The following MUC20 variants were observed in gnomAD, a reference collection of about 807,000 sequenced individuals.
MUC20 encodes mucin 20, cell surface associated.
A neutral mutation model predicts 23.8 loss-of-function variants in MUC20; 14 were observed. The ratio of observed to expected loss-of-function variants is 0.59; its 90% CI spans 0.39 to 0.92. MUC20 has a LOEUF of 0.92. Among genes scored for constraint, MUC20 ranks in the 40% least tolerant of loss-of-function variants. The pLI is 0.00. For missense variants in MUC20, 375 were observed against 668.8 expected (o/e 0.56, Z 4.85); for synonymous variants, 166 against 279.3 (o/e 0.59, Z 4.04).
chr3:195,725,979 C>T lies in MUC20; in HGVS notation c.1376C>T (p.Pro459Leu), dbSNP rs770724904. ...GVKASSTSDPPALPDSTEAKP... is the reference protein window; with the variant it reads ...GVKASSTSDPLALPDSTEAKP... ...AAGGCCTCGTCCACCTCCGATCCAC[C>T]AGCTCTGCCTGACTCCACTGAAGCA... Residue 459 changes from proline (P) to leucine (L), a missense_variant, in exon 2 of 4, where the codon CCA becomes CTA. Pro to Leu is a moderately conservative substitution (Grantham distance 98, BLOSUM62 -3). This residue lies in a region of MUC20 where 343 missense variants were observed against 340.2 expected (regional missense o/e 1.01). Transcript: ENST00000447234. 2 of 1,613,986 alleles carry T rather than the reference C, an allele frequency of 1.2e-6. No individual in the cohort carries two copies. Among genetic ancestry groups the T allele is most frequent in the South Asian group, 1.1e-5 (1 of 91,078 alleles).
intron 2 of MUC20, among the ~76,000 whole-genome samples, 155 bp downstream of exon 2, chr3:195,726,727 G>A (rs1316669486): frequency 9.2e-5 from 14 of 152,218 alleles, no homozygotes; most frequent in African/African-American, 2.2e-4. Flanking sequence ...GGTTCTTGGC[G>A]AAATCAGGAA....
At chr3:195,732,301 C>T (rs58767719) in intron 3 of MUC20, among the ~76,000 whole-genome samples, 49,705 of 150,388 alleles carry the variant, frequency 0.33, 5,718 homozygotes, top group African/African-American at 0.48. Flanking sequence ...TGAGTCATTG[C>T]GTCCGGCTGG....
Position 195,726,298 on chromosome 3 carries a change from C to T in MUC20, c.1695C>T (p.Ser565=). Residue 565 remains serine (S), a synonymous_variant, in exon 2 of 4, where the codon TCC becomes TCT. Coordinates refer to ENST00000447234, the MANE Select transcript of MUC20 (RefSeq NM_001282506.2). ...EAGSAVGKTT[S]FAGSSASSYS... ...GGTCAGCAGTGGGCAAAACAACTTC[C>T]TTTGCTGGGAGCTCTGCTTCCTCCT... 6.2e-7 allele frequency: 1 copy of T among 1,614,064 alleles called. No homozygotes were observed. The highest frequency in any genetic ancestry group is 1.1e-5 in the South Asian group (1 of 91,084).
At chr3:195,731,563 A>G (rs981762807) in intron 3 of MUC20, among the ~76,000 whole-genome samples, 1 of 152,280 alleles carries the variant, frequency 6.6e-6, no homozygotes, top group African/African-American at 2.4e-5. Context: ...CAGTGGGATC[A>G]GGCTGGCTGG....
intron 3 of MUC20, 186 bp downstream of exon 3, chr3:195,729,925 GTTC>G: frequency 1.6e-6 from 1 of 632,942 alleles, no homozygotes; most frequent in Non-Finnish European, 2.7e-6. Flanking sequence ...CCTTCTCCGA[GTTC>G]TTCATTTCCT....
intron 3 of MUC20, 88 bp from the exon 4 acceptor site, chr3:195,733,062 C>G: frequency 7.1e-7 from 1 of 1,417,982 alleles, no homozygotes; most frequent in Admixed American, 2.0e-5. Context: ...CGCATGCACT[C>G]TGCCCCAGTG....
intron 1 of MUC20, chr3:195,722,747 A>C (rs3107766): frequency 1.1e-6 from 1 of 921,280 alleles, no homozygotes; most frequent in Non-Finnish European, 1.3e-6. Context: ...AGAAGGCTCA[A>C]AGAAATGATC....
At chr3:195,730,458 G>C (rs1468140283) in intron 3 of MUC20, among the ~76,000 whole-genome samples, 1 of 152,124 alleles carries the variant, frequency 6.6e-6, no homozygotes, top group Non-Finnish European at 1.5e-5. Context: ...CCATTCTCCT[G>C]CCTCAGCCTC....
chr3:195,721,632 G>C (rs7630723), intron 1 of MUC20: 2 of 164,722 alleles, frequency 1.2e-5, no homozygotes, highest in African/African-American at 4.9e-5. Context: ...AGACGGGAAT[G>C]AACCCTGACC....
At chr3:195,732,988 TA>T (rs1447838818) in intron 3 of MUC20, among the ~76,000 whole-genome samples, 161 bp from the exon 4 acceptor site, 2 of 152,238 alleles carry the variant, frequency 1.3e-5, no homozygotes, top group Admixed American at 1.3e-4. Flanking sequence ...TTAGATGACA[TA>T]ATGTGTGTGA....
rs978731494 is a variant in MUC20 at position 195,733,471 on chromosome 3, G to A, written c.*253G>A. ...TGTCCTTGGACTCACCTTGGCACAT[G>A]TTCTGTGTTTCAGTAAAGAGAGACC... On this transcript the variant is annotated 3_prime_UTR_variant, in exon 4 of 4. Coordinates refer to ENST00000447234, the MANE Select transcript of MUC20 (RefSeq NM_001282506.2). 1.9e-5 allele frequency: 27 copies of A among 1,407,844 alleles called. No homozygotes were observed. The South Asian group carries it at 2.0e-4, about 10-fold the overall frequency. The allele number at this position is 1,407,844 out of a possible 1,614,324, so 87.2% of individuals were successfully genotyped here.
At chr3:195,722,927 G>A (rs11185526) in intron 1 of MUC20, 87,788 of 175,208 alleles carry the variant, frequency 0.5, 26,541 homozygotes, top group East Asian at 0.79. Context: ...ACTATAGTCA[G>A]ATCAACTATG....
At chr3:195,728,261 G>C (rs1474434129) in intron 2 of MUC20, among the ~76,000 whole-genome samples, 2 of 152,284 alleles carry the variant, frequency 1.3e-5, no homozygotes, top group Non-Finnish European at 2.9e-5. Context: ...ACCAGTCTCT[G>C]AGTTTTCTCA....
chr3:195,729,579 G>T, intron 2 of MUC20, 69 bp from the exon 3 acceptor site: 1 of 1,433,914 alleles, frequency 7.0e-7, no homozygotes, highest in Non-Finnish European at 9.6e-7. Context: ...GCCTCCCAAA[G>T]TGCTGGGATG....
rs1334943332 is a variant in MUC20 at position 195,726,104 on chromosome 3, C to T, written c.1501C>T (p.Pro501Ser). ...APDATVGTPL[P>S]TNSATEREVT... ...TGATGCCACGGTTGGGACCCCACTC[C>T]CCACTAACAGCGCCACAGAAAGAGA... Residue 501 changes from proline (P) to serine (S), a missense_variant, in exon 2 of 4, where the codon CCC becomes TCC. Coordinates refer to ENST00000447234, the MANE Select transcript of MUC20 (RefSeq NM_001282506.2). The T allele has an allele frequency of 2.5e-5, 41 of 1,609,958 alleles. No individual in the cohort carries two copies. The highest frequency in any genetic ancestry group is 3.4e-5 in the Non-Finnish European group (40 of 1,176,746).
At chr3:195,726,819 A>G (rs1250565231) in intron 2 of MUC20, among the ~76,000 whole-genome samples, 1 of 152,256 alleles carries the variant, frequency 6.6e-6, no homozygotes, top group Non-Finnish European at 1.5e-5. Flanking sequence ...TCTGCCTGTA[A>G]CAACCCGAGT....
At position 195,733,177 on chromosome 3, in the gene MUC20, C is replaced by T; in HGVS notation, c.2089C>T (p.Pro697Ser). 1.3e-6 allele frequency: 2 copies of T among 1,595,762 alleles called. No homozygotes were observed. The highest frequency in any genetic ancestry group is 1.3e-5 in the African/African-American group (1 of 74,738). ...QLHRELHAHA[P>S]HFQVSLLRVR... is the part of the protein sequence containing the mutation. ...CCACCGGGAACTCCACGCCCACGCG[C>T]CTCACTTCCAGGTCTCCTTACTGCG... The change falls in exon 4 of 4, where the codon CCT becomes TCT. Residue 697 changes from proline to serine, a missense_variant. This residue lies in a region of MUC20 where 343 missense variants were observed against 340.2 expected (regional missense o/e 1.01). Coordinates refer to ENST00000447234, the MANE Select transcript of MUC20 (RefSeq NM_001282506.2).
Position 195,725,902 on chromosome 3 carries a change from T to C in MUC20, c.1299T>C (p.Thr433=). 1 of 1,612,416 alleles carries C rather than the reference T, an allele frequency of 6.2e-7. No homozygotes were observed. The highest frequency in any genetic ancestry group is 8.5e-7 in the Non-Finnish European group (1 of 1,178,968). Residue 433 remains threonine (T), a synonymous_variant, in exon 2 of 4, where the codon ACT becomes ACC. Transcript: ENST00000447234. Reference sequence around the variant, plus strand: ...GCATCACAGAAATAGAAACAACGACTTCCAGCATCCCTGGGGCCTCAGACA... The same window carrying C: ...GCATCACAGAAATAGAAACAACGACCTCCAGCATCCCTGGGGCCTCAGACA... The part of the protein sequence containing the change: ...NCSITEIETT[T]SSIPGASDTD...
rs1215828639 is a variant in MUC20, at chr3:195,732,340, TTCTTTC to T, written c.2062-804_2062-799del. Among the ~76,000 whole-genome samples the T allele has an allele frequency of 1.1e-4, 5 of 47,604 alleles. No individual in the cohort carries two copies. The South Asian group carries it at 2.1e-3, about 20-fold the overall frequency. The allele number at this position is 47,604 out of a possible 152,430, so 31.2% of individuals were successfully genotyped here. A position where few individuals can be genotyped will look rare whatever the true frequency, so the allele number is the denominator to read the frequency against. The stretch of plus-strand genomic sequence containing the variant: ...GCCAGTTTTCTTTTTCTTTTTCTTT[TTCTTTC>T]TCTTTTTCTTTTCTTTTCTTTTATT... On this transcript the variant is annotated intron_variant, in intron 3 of 3. Transcript: ENST00000447234.
Sources: allele counts gnomAD v4.1 joint callset (sites outside exome capture counted in the v4.1 genomes callset), GRCh38; gene constraint gnomAD v4.1.1; regional missense constraint gnomAD v4.1.1; transcripts MANE v1.5; gene names NCBI Gene and HGNC (gene_info 2026-07-23, HGNC 2026-07-21).